Variants in EMP1 observed in about 807,000 individuals in gnomAD.
EMP1 encodes the protein tumor-associated membrane protein.
EMP1 carries 5 observed loss-of-function variants against 15.7 expected under a neutral mutation model. The observed-to-expected ratio is 0.32, with a 90% CI of 0.17 to 0.67. The LOEUF (loss-of-function observed/expected upper bound fraction) is 0.67. EMP1 is among the 30% of genes least tolerant of loss of function. EMP1 has a pLI of 0.74. For synonymous variants in EMP1, 78 were observed against 76.7 expected, an observed-to-expected ratio of 1.02 and a Z score of -0.09; for missense variants, 166 against 194.2, an observed-to-expected ratio of 0.85 and a Z score of 0.86.
At position 13,216,406 on chromosome 12, in the gene EMP1, T is replaced by C; in HGVS notation, c.*1715T>C. ...GGGCAAGCCACCAAATTACCTAGGC[T>C]GAGGTTAGAGAGATTGGCCAGCAAA... On this transcript the variant is annotated 3_prime_UTR_variant, in exon 5 of 5. Transcript: ENST00000256951. The C allele has an allele frequency of 1.4e-6, 1 of 702,500 alleles. No homozygotes were observed. The highest frequency in any genetic ancestry group is 1.5e-5 in the South Asian group (1 of 67,574). The allele number at this position is 702,500 out of a possible 1,614,324, so 43.5% of individuals were successfully genotyped here. A position where few individuals can be genotyped will look rare whatever the true frequency, so the allele number is the denominator to read the frequency against.
intron 1 of EMP1, among the ~76,000 whole-genome samples, chr12:13,198,063 G>A (rs902934605): frequency 2.0e-5 from 3 of 152,186 alleles, no homozygotes; most frequent in Non-Finnish European, 4.4e-5. Flanking sequence ...GCCTTTCAGT[G>A]CTGAGTGAAA....
chr12:13,205,532 G>T (rs1174926125), intron 1 of EMP1, among the ~76,000 whole-genome samples: 1 of 152,032 alleles, frequency 6.6e-6, no homozygotes, highest in African/African-American at 2.4e-5. Context: ...ATAATTCTGT[G>T]TTTATTATGA....
chr12:13,210,212 T>C (rs935507510), intron 1 of EMP1, among the ~76,000 whole-genome samples: 69 of 152,232 alleles, frequency 4.5e-4, no homozygotes, highest in African/African-American at 1.6e-3. Flanking sequence ...ATTCAAAGCA[T>C]CAATTAAATT....
At chr12:13,200,511 C>A (rs539226178) in intron 1 of EMP1, among the ~76,000 whole-genome samples, 1 of 152,300 alleles carries the variant, frequency 6.6e-6, no homozygotes, top group African/African-American at 2.4e-5. Context: ...CCCAGGTGAT[C>A]TTGAATTTCT....
intron 1 of EMP1, among the ~76,000 whole-genome samples, chr12:13,206,458 T>G (rs761734808): frequency 1.3e-5 from 2 of 152,250 alleles, no homozygotes; most frequent in African/African-American, 2.4e-5. Flanking sequence ...TCCTGATTTC[T>G]GAGCATGCTC....
intron 4 of EMP1, 72 bp downstream of exon 4, chr12:13,213,893 G>A: frequency 6.3e-7 from 1 of 1,591,322 alleles, no homozygotes; most frequent in Non-Finnish European, 8.6e-7. Context: ...CTGGCAACTT[G>A]AACAGATTAG....
chr12:13,213,769 C>A lies in EMP1; in HGVS notation c.264C>A (p.Thr88=), dbSNP rs1184853275. 1.2e-6 allele frequency: 2 copies of A among 1,614,190 alleles called. No homozygotes were observed. Among genetic ancestry groups the A allele is most frequent in the Non-Finnish European group, 1.7e-6 (2 of 1,180,036 alleles). Residue 88 remains threonine (T), a synonymous_variant, in exon 4 of 5, where the codon ACC becomes ACA. Coordinates refer to ENST00000256951, the MANE Select transcript of EMP1 (RefSeq NM_001423.3). ...ALLVFVFQLF[T]MEKGNRFFLS... is the part of the protein sequence containing the mutation. ...TGGTCTTCGTGTTCCAGCTCTTCAC[C>A]ATGGAGAAGGGAAACCGGTTCTTCC... is the stretch of plus-strand genomic sequence containing the variant.
rs4763947 is a variant in EMP1, at chr12:13,217,302, A to C, written c.*2611A>C. On this transcript the variant is annotated 3_prime_UTR_variant, in exon 5 of 5. Transcript: ENST00000256951. ...GCAATAAGGACTGGATAAAGACTGCATATCCTTGTGTCGTGTCAGCACCAA... is the reference window on the plus strand; with the variant it reads ...GCAATAAGGACTGGATAAAGACTGCCTATCCTTGTGTCGTGTCAGCACCAA... 0.47 allele frequency: 71,946 copies of C among 151,978 alleles called. 17,445 individuals carry two copies. Among genetic ancestry groups the C allele is most frequent in the East Asian group, 0.52 (2,715 of 5,174 alleles). The allele number at this position is 151,978 out of a possible 1,614,324, so 9.4% of individuals were successfully genotyped here. A position where few individuals can be genotyped will look rare whatever the true frequency, so the allele number is the denominator to read the frequency against.
chr12:13,210,162 C>G (rs1565579081), intron 1 of EMP1, among the ~76,000 whole-genome samples: 1 of 152,208 alleles, frequency 6.6e-6, no homozygotes, highest in Non-Finnish European at 1.5e-5. Flanking sequence ...TCAGTGCTCT[C>G]TAATAAATAC....
rs780939821 is a variant in EMP1 at position 13,213,532 on chromosome 12, T to C, written c.132T>C (p.Cys44=). The change falls in exon 3 of 5, where the codon TGT becomes TGC. Residue 44 remains cysteine (C), a synonymous_variant. Coordinates refer to ENST00000256951, the MANE Select transcript of EMP1 (RefSeq NM_001423.3). ...CATCAGTAGGTCTTTGGAAAAACTG[T>C]ACCAACATTAGCTGCAGTGACAGCC... is the stretch of plus-strand genomic sequence containing the variant. ...VDASVGLWKN[C]TNISCSDSLS... 4 of 1,614,216 alleles carry C rather than the reference T, an allele frequency of 2.5e-6. No individual in the cohort carries two copies. The highest frequency in any genetic ancestry group is 1.6e-4 in the Middle Eastern group (1 of 6,062).
intron 1 of EMP1, among the ~76,000 whole-genome samples, chr12:13,208,556 AATG>A (rs1388536588): frequency 6.6e-6 from 1 of 152,210 alleles, no homozygotes; most frequent in Non-Finnish European, 1.5e-5. Context: ...ACTGACAGTG[AATG>A]ATATTAGTAA....
chr12:13,204,549 C>T (rs12312155), intron 1 of EMP1, among the ~76,000 whole-genome samples: 50 of 152,174 alleles, frequency 3.3e-4, no homozygotes, highest in Admixed American at 1.1e-3. Context: ...TCCCGACTTG[C>T]GCAGAGGACA....
chr12:13,214,575 T>C lies in EMP1; in HGVS notation c.358T>C (p.Tyr120His). The change falls in exon 5 of 5, where the codon TAT (tyrosine) becomes CAT (histidine). Residue 120 changes from tyrosine to histidine, a missense_variant. By Grantham distance (83) the Tyr-to-His change is moderately conservative. Coordinates refer to ENST00000256951, the MANE Select transcript of EMP1 (RefSeq NM_001423.3). ...GGGGGTGTCCATCTACACTAGTCAT[T>C]ATGCGAATCGTGATGGAACGCAGTA... ...LVGVSIYTSH[Y>H]ANRDGTQYHH... 1 of 1,613,970 alleles carries C rather than the reference T, an allele frequency of 6.2e-7. No homozygotes were observed. Among genetic ancestry groups the C allele is most frequent in the East Asian group, 2.2e-5 (1 of 44,866 alleles).
chr12:13,197,223 C>A (rs1484562687), intron 1 of EMP1, among the ~76,000 whole-genome samples: 1 of 152,202 alleles, frequency 6.6e-6, no homozygotes, highest in Non-Finnish European at 1.5e-5. Context: ...AAACACCACA[C>A]ACCTTGGAAA....
intron 4 of EMP1, 25 bp downstream of exon 4, chr12:13,213,846 A>G: frequency 6.2e-7 from 1 of 1,612,402 alleles, no homozygotes; most frequent in Non-Finnish European, 8.5e-7. Context: ...GGTAGACTCC[A>G]GTTTACACTT....
At position 13,217,725 on chromosome 12, in the gene EMP1, C is replaced by T. The variant is rs1292392379; in HGVS notation, c.*3034C>T. ...TGCTGCTAAGATTGGTATCTTTCTCCTCAAAAGCCTGGATGGTGAATGGGG... is the reference window on the plus strand; with the variant it reads ...TGCTGCTAAGATTGGTATCTTTCTCTTCAAAAGCCTGGATGGTGAATGGGG... On this transcript the variant is annotated 3_prime_UTR_variant, in exon 5 of 5. Transcript: ENST00000256951. 1 of 152,156 alleles carries T rather than the reference C, an allele frequency of 6.6e-6. No individual in the cohort carries two copies. The highest frequency in any genetic ancestry group is 1.9e-4 in the East Asian group (1 of 5,194). 9.4% of individuals were successfully genotyped at this position (152,156 alleles called of 1,614,324 possible).
chr12:13,214,612 A>T lies in EMP1; in HGVS notation c.395A>T (p.Tyr132Phe). The change falls in exon 5 of 5, where the codon TAT becomes TTT. Residue 132 changes from tyrosine (Y) to phenylalanine (F), a missense_variant. Coordinates refer to ENST00000256951, the MANE Select transcript of EMP1 (RefSeq NM_001423.3). ...NRDGTQYHHG[Y>F]SYILGWICFC... ...GATGGAACGCAGTATCACCACGGCT[A>T]TTCCTACATCCTGGGCTGGATCTGC... The T allele has an allele frequency of 1.2e-6, 2 of 1,613,780 alleles. No homozygotes were observed. Among genetic ancestry groups the T allele is most frequent in the Non-Finnish European group, 1.7e-6 (2 of 1,179,958 alleles).
chr12:13,216,679 T>G lies in EMP1; in HGVS notation c.*1988T>G, dbSNP rs187288358. The G allele has an allele frequency of 2.0e-6, 1 of 488,020 alleles. No homozygotes were observed. Among genetic ancestry groups the G allele is most frequent in the East Asian group, 3.4e-5 (1 of 29,478 alleles). 30.2% of individuals were successfully genotyped at this position (488,020 alleles called of 1,614,324 possible). A position where few individuals can be genotyped will look rare whatever the true frequency, so the allele number is the denominator to read the frequency against. On this transcript the variant is annotated 3_prime_UTR_variant, in exon 5 of 5. Transcript: ENST00000256951. ...TTGTTCTAGTACTGTATTGGGCTTCTTCGTTAATAGATTATTTCATATACT... is the reference window on the plus strand; with the variant it reads ...TTGTTCTAGTACTGTATTGGGCTTCGTCGTTAATAGATTATTTCATATACT...
chr12:13,211,222 T>C lies in EMP1; in HGVS notation c.-42-247T>C, dbSNP rs1215580157. 6.6e-6 allele frequency among the ~76,000 whole-genome samples: 1 copy of C among 152,182 alleles called. No individual in the cohort carries two copies. Among genetic ancestry groups the C allele is most frequent in the Non-Finnish European group, 1.5e-5 (1 of 68,034 alleles). The stretch of plus-strand genomic sequence containing the variant: ...TTTGAAATAGAATGTATTAGAGAAA[T>C]GAATATGTAAATACCCAAGAAGAAA... On this transcript the variant is annotated intron_variant, in intron 1 of 4. Transcript: ENST00000256951. This position sits in a 1 kb window ranked among gnomAD's most constrained non-coding sequence, Gnocchi z 4.7.
Sources: gnomAD v4.1 joint callset for allele counts (sites outside exome capture counted in the v4.1 genomes callset) on GRCh38, gnomAD v4.1.1 for gene constraint, Gnocchi (gnomAD v3.1) non-coding constraint, MANE v1.5 for transcripts, NCBI Gene and HGNC (gene_info 2026-07-23, HGNC 2026-07-21) for gene names.